Variants in NBAS observed in about 807,000 individuals in gnomAD.
The protein encoded by NBAS is NBAS subunit of NRZ tethering complex.
NBAS carries 219 observed loss-of-function variants against 302.5 expected under a neutral mutation model. The ratio of observed to expected loss-of-function variants is 0.72; its 90% CI spans 0.65 to 0.81. The LOEUF (loss-of-function observed/expected upper bound fraction) is 0.81. Among genes scored for constraint, NBAS ranks in the 30% least tolerant of loss-of-function variants. The probability of loss-of-function intolerance (pLI) is 0.00; values close to 1 mark genes in which losing one functional copy is unlikely to be tolerated. For missense variants in NBAS, 2,932 were observed against 2,841.6 expected (o/e 1.03, Z -0.72); for synonymous variants, 1,118 against 1,021.6 (o/e 1.09, Z -1.80).
At chr2:15,458,017 A>G (rs992518013) in intron 21 of NBAS, among the ~76,000 whole-genome samples, 1 of 152,218 alleles carries the variant, frequency 6.6e-6, no homozygotes, top group Admixed American at 6.5e-5. Context: ...ATGACACAAG[A>G]GGACCTAATT....
the NBAS span, among the ~76,000 whole-genome samples, chr2:14,806,616 T>C: frequency 6.6e-6 from 1 of 152,180 alleles, no homozygotes; most frequent in South Asian, 2.1e-4. Context: ...CTCTATTTTC[T>C]ATATAAAACA....
the NBAS span, among the ~76,000 whole-genome samples, chr2:15,027,254 T>C: frequency 9.2e-5 from 14 of 152,306 alleles, no homozygotes; most frequent in East Asian, 3.9e-4. Flanking sequence ...CCAAGAACAA[T>C]GCATATTTTT....
At chr2:15,334,512 A>G (rs754264826) in intron 35 of NBAS, among the ~76,000 whole-genome samples, 10 of 152,098 alleles carry the variant, frequency 6.6e-5, no homozygotes, top group Non-Finnish European at 1.5e-4. Flanking sequence ...TTTGGCATCA[A>G]AGTGTTCACT....
At chr2:14,985,552 A>G in the NBAS span, among the ~76,000 whole-genome samples, 656 of 152,368 alleles carry the variant, frequency 4.3e-3, 7 homozygotes, top group African/African-American at 0.015. Context: ...TGTATAAAAA[A>G]TATAAATCGT....
At chr2:14,916,415 C>A in the NBAS span, among the ~76,000 whole-genome samples, 1 of 152,158 alleles carries the variant, frequency 6.6e-6, no homozygotes, top group Non-Finnish European at 1.5e-5. Flanking sequence ...AAGTGTACTG[C>A]AGCTGTGCAG....
intron 19 of NBAS, among the ~76,000 whole-genome samples, chr2:15,464,126 A>G (rs1679626409): frequency 6.6e-6 from 1 of 152,156 alleles, no homozygotes; most frequent in African/African-American, 2.4e-5. Flanking sequence ...GTTCTTTATA[A>G]TAAAAACCTA....
At chr2:14,956,166 A>C in the NBAS span, among the ~76,000 whole-genome samples, 1 of 152,196 alleles carries the variant, frequency 6.6e-6, no homozygotes, top group Non-Finnish European at 1.5e-5. Context: ...GAAAAGCAAG[A>C]GTCACTTTTA....
chr2:15,173,286 T>C (rs1337012377), intron 51 of NBAS, among the ~76,000 whole-genome samples: 1 of 152,226 alleles, frequency 6.6e-6, no homozygotes, highest in Admixed American at 6.5e-5. Flanking sequence ...CAATAGGTAA[T>C]GAACCTTCTC....
the NBAS span, among the ~76,000 whole-genome samples, chr2:14,974,731 C>A: frequency 6.6e-6 from 1 of 152,156 alleles, no homozygotes; most frequent in Non-Finnish European, 1.5e-5. Context: ...CTATAGTAGG[C>A]AGTCCTAAAA....
At chr2:15,264,586 G>A (rs1157867155) in intron 44 of NBAS, among the ~76,000 whole-genome samples, 1 of 152,182 alleles carries the variant, frequency 6.6e-6, no homozygotes, top group Non-Finnish European at 1.5e-5. Context: ...ATGGGCTTCT[G>A]CAGCCAAATT....
At chr2:14,899,362 T>C in the NBAS span, among the ~76,000 whole-genome samples, 1 of 94,778 alleles carries the variant, frequency 1.1e-5, no homozygotes, top group African/African-American at 3.2e-5. Flanking sequence ...TTTCACTAAA[T>C]AAATGTCAAA....
chr2:15,484,992 G>A (rs1435506221), intron 12 of NBAS, among the ~76,000 whole-genome samples: 1 of 151,906 alleles, frequency 6.6e-6, no homozygotes, highest in Non-Finnish European at 1.5e-5. Flanking sequence ...TGATTCCCAG[G>A]ATACAGGTGA....
chr2:15,329,697 T>C (rs530193567), intron 36 of NBAS, among the ~76,000 whole-genome samples: 1 of 152,272 alleles, frequency 6.6e-6, no homozygotes, highest in East Asian at 1.9e-4. Context: ...CTGGCCCCTT[T>C]TATGTTCTGT....
At chr2:15,032,967 T>A in the NBAS span, among the ~76,000 whole-genome samples, 122,373 of 152,208 alleles carry the variant, frequency 0.8, 49,729 homozygotes, top group East Asian at 1. Flanking sequence ...CTAGCTTTCC[T>A]CAGGCCAACC....
intron 51 of NBAS, among the ~76,000 whole-genome samples, chr2:15,175,537 C>A (rs1489793168): frequency 6.6e-6 from 1 of 152,336 alleles, no homozygotes; most frequent in East Asian, 1.9e-4. Context: ...AACACATCAG[C>A]AGCATTGCCC....
chr2:15,266,611 T>C (rs1669087366), intron 44 of NBAS, among the ~76,000 whole-genome samples: 1 of 152,070 alleles, frequency 6.6e-6, no homozygotes. Flanking sequence ...AAATATGTAA[T>C]AATGAAAAAA....
chr2:15,160,585 C>CGGGGGGGGGGGGGGGGG, the NBAS span, among the ~76,000 whole-genome samples: 28 of 92,268 alleles, frequency 3.0e-4, 1 homozygote, highest in Admixed American at 1.3e-3. Flanking sequence ...CCAGTGTGGG[C>CGGGGGGGGGGGGGGGGG]GGGGGGAGGG....
chr2:15,324,651 C>G (rs955826117), intron 38 of NBAS, among the ~76,000 whole-genome samples: 4 of 152,150 alleles, frequency 2.6e-5, no homozygotes, highest in African/African-American at 7.2e-5. Flanking sequence ...CTTTTATAAG[C>G]CCGTTGAAGG....
the NBAS span, among the ~76,000 whole-genome samples, chr2:14,851,257 G>T: frequency 1.1e-4 from 15 of 142,570 alleles, 1 homozygote; most frequent in Non-Finnish European, 1.3e-4. Context: ...TATCACCACC[G>T]ATCCCACAGA....
Sources: allele counts gnomAD v4.1 joint callset (sites outside exome capture counted in the v4.1 genomes callset), GRCh38; gene constraint gnomAD v4.1.1; transcripts MANE v1.5; gene names NCBI Gene and HGNC (gene_info 2026-07-23, HGNC 2026-07-21).